FARS2: variants seen among roughly 807,000 people sequenced by gnomAD.
FARS2 encodes the protein phenylalanine--tRNA ligase, mitochondrial.
Under a neutral mutation model 46.4 loss-of-function variants are expected in FARS2, and 40 were observed. The observed-to-expected ratio is 0.86, with a 90% CI of 0.67 to 1.12. The LOEUF (loss-of-function observed/expected upper bound fraction) is 1.12, where lower values mean the gene tolerates loss of function less well. FARS2 is among the 50% of genes most tolerant of loss of function. The probability of loss-of-function intolerance (pLI) is 0.00; values close to 1 mark genes in which losing one functional copy is unlikely to be tolerated. For synonymous variants in FARS2, 234 were observed against 214.9 expected, an observed-to-expected ratio of 1.09 and a Z score of -0.78; for missense variants, 513 against 567.9, an observed-to-expected ratio of 0.90 and a Z score of 0.98.
intron 6 of FARS2, among the ~76,000 whole-genome samples, chr6:5,730,267 A>T (rs1760536645): frequency 6.6e-6 from 1 of 152,214 alleles, no homozygotes; most frequent in African/African-American, 2.4e-5. Flanking sequence ...TTCTAGAAAG[A>T]GAGAGAGACA....
chr6:5,762,030 C>T (rs1240202620), intron 6 of FARS2, among the ~76,000 whole-genome samples: 1 of 152,122 alleles, frequency 6.6e-6, no homozygotes, highest in South Asian at 2.1e-4. Flanking sequence ...GTAATAATCA[C>T]TGGGCATCAT....
chr6:5,751,696 C>G (rs1305356671), intron 6 of FARS2, among the ~76,000 whole-genome samples: 5 of 152,196 alleles, frequency 3.3e-5, no homozygotes, highest in Non-Finnish European at 5.9e-5. Flanking sequence ...GAAGACAGGT[C>G]CTCCCCACGC....
In FARS2 at chr6:5,407,922, G is replaced by C. The variant is rs575226807; in HGVS notation, c.772+3221G>C. ...ATTTTAGAGGCAGGGTGAGGTAGAA[G>C]GGATTCTAGTATTTTAAGGAGGTAG... On this transcript the variant is annotated intron_variant, in intron 3 of 6. Coordinates refer to ENST00000274680, the MANE Select transcript of FARS2 (RefSeq NM_006567.5). 2.0e-5 allele frequency among the ~76,000 whole-genome samples: 3 copies of C among 152,278 alleles called. No individual in the cohort carries two copies. In the South Asian group the frequency reaches 6.2e-4, roughly 32 times the overall value.
chr6:5,738,749 AAACTT>A (rs1761107000), intron 6 of FARS2, among the ~76,000 whole-genome samples: 1 of 148,018 alleles, frequency 6.8e-6, no homozygotes, highest in Non-Finnish European at 1.5e-5. Flanking sequence ...TAAAATAAAA[AAACTT>A]AACACAGACC....
At chr6:5,670,175 C>T (rs1029594346) in intron 6 of FARS2, among the ~76,000 whole-genome samples, 4 of 152,102 alleles carry the variant, frequency 2.6e-5, no homozygotes, top group Admixed American at 6.5e-5. Context: ...GCCCAGAGTG[C>T]GCAAGTATAC....
intron 1 of FARS2, among the ~76,000 whole-genome samples, chr6:5,315,111 A>G (rs1261526085): frequency 2.6e-5 from 4 of 152,210 alleles, no homozygotes; most frequent in Non-Finnish European, 1.5e-5. Flanking sequence ...TAAGTTTTCT[A>G]TGTTCTTTAA....
At chr6:5,381,804 C>G (rs1338779875) in intron 2 of FARS2, among the ~76,000 whole-genome samples, 1 of 152,140 alleles carries the variant, frequency 6.6e-6, no homozygotes, top group African/African-American at 2.4e-5. Flanking sequence ...GATTGAGAAC[C>G]AAGTCAGGAG....
chr6:5,326,366 T>G (rs188593411), intron 1 of FARS2, among the ~76,000 whole-genome samples: 218 of 152,320 alleles, frequency 1.4e-3, no homozygotes, highest in Non-Finnish European at 2.6e-3. Flanking sequence ...CCCTGACACT[T>G]GGTGAGGAAC....
intron 1 of FARS2, among the ~76,000 whole-genome samples, chr6:5,327,007 C>T (rs150933913): frequency 1.3e-5 from 2 of 152,278 alleles, no homozygotes; most frequent in Non-Finnish European, 2.9e-5. Context: ...AAACCATAAT[C>T]ATGGTAATGG....
At chr6:5,758,396 A>G (rs1233709638) in intron 6 of FARS2, among the ~76,000 whole-genome samples, 1 of 152,232 alleles carries the variant, frequency 6.6e-6, no homozygotes, top group East Asian at 1.9e-4. Context: ...TGATACATTT[A>G]AATAGTCATT....
chr6:5,608,353 C>T (rs1156703293), intron 5 of FARS2, among the ~76,000 whole-genome samples: 1 of 152,096 alleles, frequency 6.6e-6, no homozygotes, highest in Non-Finnish European at 1.5e-5. Flanking sequence ...TTGGTTAGAC[C>T]TGTGATGAGA....
rs1769085357 is a variant in FARS2, at chr6:5,311,599, T to G, written c.-22+49939T>G. On this transcript the variant is annotated intron_variant, in intron 1 of 6. Transcript: ENST00000274680. The surrounding 1 kb of genome is among the most constrained non-coding windows in gnomAD (Gnocchi z 4.1). ...TAAAATGTTCTTTATTTGTTGACTG[T>G]GGTATTGGCCTCAGATCAAATTATT... Among the ~76,000 whole-genome samples the G allele has an allele frequency of 6.6e-6, 1 of 152,184 alleles. No individual in the cohort carries two copies. Among genetic ancestry groups the G allele is most frequent in the African/African-American group, 2.4e-5 (1 of 41,430 alleles).
At chr6:5,729,571 T>C (rs1760491890) in intron 6 of FARS2, among the ~76,000 whole-genome samples, 1 of 152,198 alleles carries the variant, frequency 6.6e-6, no homozygotes, top group South Asian at 2.1e-4. Flanking sequence ...CATTGTATTT[T>C]TCTCTTGGAA....
At chr6:5,565,851 G>A (rs959460078) in intron 5 of FARS2, among the ~76,000 whole-genome samples, 1 of 151,968 alleles carries the variant, frequency 6.6e-6, no homozygotes, top group African/African-American at 2.4e-5. Flanking sequence ...TGACTCAAAA[G>A]GAAAAAACCT....
At chr6:5,439,649 A>G (rs1763731784) in intron 4 of FARS2, among the ~76,000 whole-genome samples, 1 of 152,260 alleles carries the variant, frequency 6.6e-6, no homozygotes, top group African/African-American at 2.4e-5. Flanking sequence ...TTGTGAATGC[A>G]CTCCAGGTGA....
intron 6 of FARS2, among the ~76,000 whole-genome samples, chr6:5,671,938 C>T (rs553544482): frequency 2.6e-5 from 4 of 152,278 alleles, no homozygotes; most frequent in South Asian, 2.1e-4. Flanking sequence ...AACACAATTC[C>T]GATCATCGTG....
At chr6:5,364,617 G>C (rs1217414045) in intron 1 of FARS2, among the ~76,000 whole-genome samples, 4 of 152,196 alleles carry the variant, frequency 2.6e-5, no homozygotes, top group Non-Finnish European at 5.9e-5. Context: ...TGAGTATTTA[G>C]GCTTTGTGAG....
chr6:5,445,935 C>T (rs1443737996), intron 4 of FARS2, among the ~76,000 whole-genome samples: 3 of 152,174 alleles, frequency 2.0e-5, no homozygotes, highest in African/African-American at 7.2e-5. Context: ...TGCGGTGGCT[C>T]ACGCCTGTAA....
intron 6 of FARS2, among the ~76,000 whole-genome samples, chr6:5,634,543 C>T (rs1458494058): frequency 5.3e-5 from 8 of 152,140 alleles, no homozygotes; most frequent in East Asian, 1.9e-4. Flanking sequence ...AGGCTGGGCT[C>T]GAACTCCTGG....
Sources: allele counts gnomAD v4.1 joint callset (sites outside exome capture counted in the v4.1 genomes callset), GRCh38; gene constraint gnomAD v4.1.1; non-coding constraint Gnocchi (gnomAD v3.1); transcripts MANE v1.5; gene names NCBI Gene and HGNC (gene_info 2026-07-23, HGNC 2026-07-21).